Variants in ZMYND11 observed in about 807,000 individuals in gnomAD.
ZMYND11 encodes the protein zinc finger MYND-type containing 11.
A neutral mutation model predicts 84.9 loss-of-function variants in ZMYND11; 9 were observed. The ratio of observed to expected loss-of-function variants is 0.11; its 90% CI spans 0.06 to 0.18. The LOEUF (loss-of-function observed/expected upper bound fraction) is 0.18. Ranked by LOEUF, ZMYND11 falls within the 10% of genes least tolerant of loss-of-function variation. The probability of loss-of-function intolerance (pLI) is 1.00; values close to 1 mark genes in which losing one functional copy is unlikely to be tolerated. For synonymous variants in ZMYND11, 250 were observed against 244.1 expected (o/e 1.02, Z -0.23); for missense variants, 409 against 761.0 (o/e 0.54, Z 5.44).
At position 241,326 on chromosome 10, in the gene ZMYND11, C is replaced by T. The variant is rs1467479247; in HGVS notation, c.831+356C>T. On this transcript the variant is annotated intron_variant, in intron 9 of 14. Transcript: ENST00000381604. ...CAGAGTAGCTGGGACCACAGGCACA[C>T]GCCACCACACCTGGCTAATTTTTGT... Among the ~76,000 whole-genome samples the T allele has an allele frequency of 2.0e-5, 3 of 152,140 alleles. No homozygotes were observed. In the South Asian group the frequency reaches 6.2e-4, roughly 32 times the overall value.
At chr10:234,405 G>A (rs1343344190) in intron 4 of ZMYND11, among the ~76,000 whole-genome samples, 4 of 152,234 alleles carry the variant, frequency 2.6e-5, no homozygotes, top group Non-Finnish European at 4.4e-5. Flanking sequence ...CTGCCTTGTT[G>A]AAATGATGGA....
intron 2 of ZMYND11, among the ~76,000 whole-genome samples, chr10:208,381 A>G (rs911945810): frequency 6.6e-6 from 1 of 152,190 alleles, no homozygotes; most frequent in Non-Finnish European, 1.5e-5. Flanking sequence ...GAAAATTTTC[A>G]CAACCTACTC....
chr10:191,953 A>T (rs538327690), intron 2 of ZMYND11, among the ~76,000 whole-genome samples: 5 of 152,210 alleles, frequency 3.3e-5, no homozygotes, highest in Non-Finnish European at 7.3e-5. Flanking sequence ...AAGATGAATG[A>T]ATATTTGTTA....
At chr10:162,800 T>C (rs1843205651) in intron 1 of ZMYND11, among the ~76,000 whole-genome samples, 1 of 152,194 alleles carries the variant, frequency 6.6e-6, no homozygotes, top group African/African-American at 2.4e-5. Flanking sequence ...ACATGTTTAT[T>C]GGTATATGTA....
chr10:221,414 C>A (rs900053263), intron 4 of ZMYND11, 58 bp downstream of exon 4: 1 of 1,544,690 alleles, frequency 6.5e-7, no homozygotes. Flanking sequence ...TTCATAATAG[C>A]TTCAAAAAGA....
intron 1 of ZMYND11, among the ~76,000 whole-genome samples, chr10:174,235 A>T (rs1554766384): frequency 6.6e-6 from 1 of 152,226 alleles, no homozygotes; most frequent in African/African-American, 2.4e-5. Context: ...ACAGTCTATC[A>T]TGCCATAAAA....
In ZMYND11 at chr10:212,745, CA is replaced by C. The variant is rs910802757; in HGVS notation, c.276+2703del. On this transcript the variant is annotated intron_variant, in intron 3 of 14. Coordinates refer to ENST00000381604, the MANE Select transcript of ZMYND11 (RefSeq NM_001370100.5). ...GACCAATGAATAAATATGCTTACAA[CA>C]AAAAACGCCTGTATATAATATAGTA... Among the ~76,000 whole-genome samples the C allele has an allele frequency of 1.1e-4, 17 of 151,204 alleles. No homozygotes were observed. The South Asian group carries it at 3.0e-3, about 27-fold the overall frequency.
intron 2 of ZMYND11, among the ~76,000 whole-genome samples, chr10:181,006 T>G (rs574610398): frequency 1.3e-5 from 2 of 152,262 alleles, no homozygotes; most frequent in East Asian, 3.9e-4. Context: ...AAGTACCTTA[T>G]GAAGCTTCTA....
intron 14 of ZMYND11, among the ~76,000 whole-genome samples, chr10:250,484 G>A (rs1953202419): frequency 6.6e-6 from 1 of 151,990 alleles, no homozygotes; most frequent in Non-Finnish European, 1.5e-5. Flanking sequence ...GATGGAGCAA[G>A]ACCCTGTCTC....
chr10:228,303 A>G (rs1948460743), intron 4 of ZMYND11, among the ~76,000 whole-genome samples: 1 of 152,208 alleles, frequency 6.6e-6, no homozygotes, highest in African/African-American at 2.4e-5. Flanking sequence ...ATGTTGGTGT[A>G]TTTGGCCTTT....
rs985973149 is a variant in ZMYND11, at chr10:252,807, G to A, written c.*337G>A. The A allele has an allele frequency of 8.3e-5, 16 of 192,580 alleles. No individual in the cohort carries two copies. Among genetic ancestry groups the A allele is most frequent in the Non-Finnish European group, 3.2e-5 (3 of 93,306 alleles). The allele number at this position is 192,580 out of a possible 1,614,324, so 11.9% of individuals were successfully genotyped here. ...TTAAAAAACAGGTGAATACAAGTGAGTTTAACAAAGAAACATTTAGAATAG... is the reference window on the plus strand; with the variant it reads ...TTAAAAAACAGGTGAATACAAGTGAATTTAACAAAGAAACATTTAGAATAG... On this transcript the variant is annotated 3_prime_UTR_variant, in exon 15 of 15. Coordinates refer to ENST00000381604, the MANE Select transcript of ZMYND11 (RefSeq NM_001370100.5). This position sits in a 1 kb window ranked among gnomAD's most constrained non-coding sequence, Gnocchi z 4.6.
Position 252,296 on chromosome 10 carries a change from G to T in ZMYND11, c.1687-52G>T. On this transcript the variant is annotated intron_variant, in intron 14 of 14. Coordinates refer to ENST00000381604, the MANE Select transcript of ZMYND11 (RefSeq NM_001370100.5). The surrounding 1 kb of genome is among the most constrained non-coding windows in gnomAD (Gnocchi z 4.6). ...CAAGAGTTTGCCATTTTAACCAGTCGCTTACACATCCACACCCAAGTCTAA... is the reference window on the plus strand; with the variant it reads ...CAAGAGTTTGCCATTTTAACCAGTCTCTTACACATCCACACCCAAGTCTAA... 1 of 1,602,702 alleles carries T rather than the reference G, an allele frequency of 6.2e-7. No homozygotes were observed. Among genetic ancestry groups the T allele is most frequent in the Non-Finnish European group, 8.5e-7 (1 of 1,174,246 alleles).
At chr10:222,995 A>G (rs1947398465) in intron 4 of ZMYND11, among the ~76,000 whole-genome samples, 1 of 150,524 alleles carries the variant, frequency 6.6e-6, no homozygotes, top group Admixed American at 6.7e-5. Context: ...AGAATTCACT[A>G]TCAAGTTGTC....
At chr10:230,701 ATTAT>A (rs1251335461) in intron 4 of ZMYND11, among the ~76,000 whole-genome samples, 9 of 152,154 alleles carry the variant, frequency 5.9e-5, no homozygotes, top group African/African-American at 1.2e-4. Context: ...CAGAAATAAA[ATTAT>A]TTATGTTGGT....
intron 2 of ZMYND11, among the ~76,000 whole-genome samples, chr10:206,901 A>G (rs551312342): frequency 2.0e-5 from 3 of 151,892 alleles, no homozygotes; most frequent in Non-Finnish European, 2.9e-5. Flanking sequence ...TGCAGGTTTC[A>G]TATGTATACA....
At chr10:249,289 C>G (rs2131983382) in intron 14 of ZMYND11, 2 of 1,406,452 alleles carry the variant, frequency 1.4e-6, no homozygotes, top group Non-Finnish European at 1.8e-6. Context: ...CTGTGTACTG[C>G]TCAGGATTAT....
chr10:159,294 T>C (rs1244918228), intron 1 of ZMYND11, among the ~76,000 whole-genome samples: 1 of 152,112 alleles, frequency 6.6e-6, no homozygotes, highest in African/African-American at 2.4e-5. Flanking sequence ...AATGTATATG[T>C]AATTTTGGTG....
intron 9 of ZMYND11, 95 bp from the exon 10 acceptor site, chr10:241,926 A>AATAATGGATTAT: frequency 7.0e-7 from 1 of 1,421,456 alleles, no homozygotes; most frequent in Non-Finnish European, 9.6e-7. Context: ...ATATTTTAGA[A>AATAATGGATTAT]ATAATGGATT....
chr10:174,643 A>G (rs1262021739), intron 1 of ZMYND11, among the ~76,000 whole-genome samples: 11 of 134,956 alleles, frequency 8.2e-5, no homozygotes, highest in East Asian at 2.3e-4. Context: ...TTCATACATT[A>G]GTCAAAACCC....
Sources: gnomAD v4.1 joint callset for allele counts (sites outside exome capture counted in the v4.1 genomes callset) on GRCh38, gnomAD v4.1.1 for gene constraint, Gnocchi (gnomAD v3.1) non-coding constraint, MANE v1.5 for transcripts, NCBI Gene and HGNC (gene_info 2026-07-23, HGNC 2026-07-21) for gene names.